HAP1: variants seen among roughly 807,000 people sequenced by gnomAD.
HAP1 encodes the protein huntingtin-associated protein 1.
HAP1 carries 59 observed loss-of-function variants against 60.3 expected under a neutral mutation model. The ratio of observed to expected loss-of-function variants is 0.98; its 90% CI spans 0.79 to 1.22. The LOEUF (loss-of-function observed/expected upper bound fraction) is 1.22. Ranked by LOEUF, HAP1 falls within the 50% of genes most tolerant of loss-of-function variation. The probability of loss-of-function intolerance (pLI) is 0.00; values close to 1 mark genes in which losing one functional copy is unlikely to be tolerated. For missense variants in HAP1, 825 were observed against 785.3 expected (o/e 1.05, Z -0.60); for synonymous variants, 346 against 330.6 (o/e 1.05, Z -0.50).
rs1223804925 is a variant in HAP1, at chr17:41,724,139, T to G, written c.*562A>C. The G allele has an allele frequency of 6.5e-6, 1 of 153,454 alleles. No homozygotes were observed. Among genetic ancestry groups the G allele is most frequent in the Non-Finnish European group, 1.5e-5 (1 of 68,686 alleles). The allele number at this position is 153,454 out of a possible 1,614,324, so 9.5% of individuals were successfully genotyped here. ...TTCTGGCTGGGGAGAGGAGACCCTG[T>G]TCCACCCCACAACCCTGCAGGAGGC... On this transcript the variant is annotated 3_prime_UTR_variant, in exon 11 of 11. Coordinates refer to ENST00000347901, the MANE Select transcript of HAP1 (RefSeq NM_177977.3).
At chr17:41,730,057 GAAGAAAAGA>G (rs1433896434) in intron 6 of HAP1, 1 of 12,498 alleles carries the variant, frequency 8.0e-5, no homozygotes, top group Non-Finnish European at 1.5e-4. Flanking sequence ...GAGAGAGAAG[GAAGAAAAGA>G]AAGAAAAGAA....
Position 41,732,398 on chromosome 17 carries a change from G to T in HAP1, c.550-4C>A. ...TCTCCCAGACAGGTGGGAGAAGCTG[G>T]GGGGGACACAGGGGTCAGAGAGAGG... On this transcript the variant is annotated splice_region_variant and splice_polypyrimidine_tract_variant and intron_variant, in intron 2 of 10. Coordinates refer to ENST00000347901, the MANE Select transcript of HAP1 (RefSeq NM_177977.3). 7 of 1,613,766 alleles carry T rather than the reference G, an allele frequency of 4.3e-6. No homozygotes were observed. Among genetic ancestry groups the T allele is most frequent in the Non-Finnish European group, 5.9e-6 (7 of 1,179,884 alleles).
rs1292363871 is a variant in HAP1 at position 41,724,856 on chromosome 17, G to A, written c.1705C>T (p.His569Tyr). The A allele has an allele frequency of 9.3e-6, 15 of 1,613,572 alleles. No homozygotes were observed. The highest frequency in any genetic ancestry group is 1.3e-5 in the African/African-American group (1 of 74,934). Residue 569 changes from histidine to tyrosine, a missense_variant, in exon 11 of 11, where the codon CAC becomes TAC. By Grantham distance (83) the His-to-Tyr change is moderately conservative. Coordinates refer to ENST00000347901, the MANE Select transcript of HAP1 (RefSeq NM_177977.3). ...ALEASGLGPS[H>Y]LDMNYVLQQL... ...TGGAGGACATAATTCATGTCCAGGT[G>A]TGAAGGGCCCAAGCCGCTGGCCTCC...
chr17:41,725,171 G>A lies in HAP1; in HGVS notation c.1407-17C>T, dbSNP rs781821620. 12 of 1,550,348 alleles carry A rather than the reference G, an allele frequency of 7.7e-6. No homozygotes were observed. Among genetic ancestry groups the A allele is most frequent in the Admixed American group, 3.6e-5 (2 of 56,328 alleles). Reference sequence around the variant, plus strand: ...AAATCATACCTGGGCGGGAGATAGCGACATCTTTTGAGGGGCTGGAAAGTC... The same window carrying A: ...AAATCATACCTGGGCGGGAGATAGCAACATCTTTTGAGGGGCTGGAAAGTC... On this transcript the variant is annotated splice_polypyrimidine_tract_variant and intron_variant, in intron 10 of 10. Transcript: ENST00000347901.
intron 6 of HAP1, 106 bp downstream of exon 6, chr17:41,731,387 G>A (rs1439092444): frequency 1.2e-6 from 1 of 802,398 alleles, no homozygotes; most frequent in East Asian, 2.4e-5. Flanking sequence ...ACACAGCTAG[G>A]AGTGCCAGAT....
Position 41,725,173 on chromosome 17 carries a change from C to G in HAP1, c.1407-19G>C, listed in dbSNP as rs750543472. 21 of 1,551,190 alleles carry G rather than the reference C, an allele frequency of 1.4e-5. No individual in the cohort carries two copies. Among genetic ancestry groups the G allele is most frequent in the Non-Finnish European group, 1.8e-5 (21 of 1,147,788 alleles). ...ATCATACCTGGGCGGGAGATAGCGA[C>G]ATCTTTTGAGGGGCTGGAAAGTCCA... On this transcript the variant is annotated intron_variant, in intron 10 of 10. Transcript: ENST00000347901.
At chr17:41,719,629 G>C (rs6503656), downstream of HAP1, among the ~76,000 whole-genome samples, 125,632 of 151,606 alleles carry the variant, frequency 0.83, 52,331 homozygotes, top group Middle Eastern at 0.93. Flanking sequence ...GGAGGCAGAG[G>C]TTGCAGTGAG....
Position 41,725,898 on chromosome 17 carries a change from C to A in HAP1, c.1368-1G>T, listed in dbSNP as rs373919066. The A allele has an allele frequency of 1.2e-5, 20 of 1,611,160 alleles. No homozygotes were observed. The highest frequency in any genetic ancestry group is 1.7e-5 in the Non-Finnish European group (20 of 1,177,300). On this transcript the variant is annotated splice_acceptor_variant, in intron 9 of 10. Coordinates refer to ENST00000347901, the MANE Select transcript of HAP1 (RefSeq NM_177977.3). LOFTEE classifies it high-confidence loss of function. ...GTCCCCTCTGGGCATCTCATAATTC[C>A]TTCAAAGAGAAAAGGACCTTCATTA...
intron 1 of HAP1, among the ~76,000 whole-genome samples, chr17:41,733,821 G>T (rs1912463720): frequency 6.6e-6 from 1 of 151,226 alleles, no homozygotes; most frequent in African/African-American, 2.4e-5. Context: ...CAGAGCGCGC[G>T]GGACAGCGCC....
rs1254951008 is a variant in HAP1 at position 41,730,601 on chromosome 17, G to A, written c.1069+892C>T. On this transcript the variant is annotated intron_variant, in intron 6 of 10. Coordinates refer to ENST00000347901, the MANE Select transcript of HAP1 (RefSeq NM_177977.3). ...ACTGGTTCCTACTCCAGTAGCCTGG[G>A]GACCAGTGGGGCCATTCAGGGAGTT... Among the ~76,000 whole-genome samples the A allele has an allele frequency of 3.9e-5, 6 of 152,164 alleles. No homozygotes were observed. The East Asian group carries it at 9.6e-4, about 24-fold the overall frequency.
In HAP1 at chr17:41,732,256, C is replaced by A. The variant is rs1555591292; in HGVS notation, c.688G>T (p.Ala230Ser). Residue 230 changes from alanine (A) to serine (S), a missense_variant, in exon 3 of 11, where the codon GCC becomes TCC. Coordinates refer to ENST00000347901, the MANE Select transcript of HAP1 (RefSeq NM_177977.3). ...TCCTCCTTGGCTGAGCCCAGCAGGGCTTCCAGCTTGCTGTTCTCCTCCATC... is the reference window on the plus strand; with the variant it reads ...TCCTCCTTGGCTGAGCCCAGCAGGGATTCCAGCTTGCTGTTCTCCTCCATC... ...VLMEENSKLEALLGSAKEEIL... is the reference protein window; with the variant it reads ...VLMEENSKLESLLGSAKEEIL... The A allele has an allele frequency of 1.2e-6, 2 of 1,614,160 alleles. No individual in the cohort carries two copies. The highest frequency in any genetic ancestry group is 1.7e-6 in the Non-Finnish European group (2 of 1,180,024).
At chr17:41,718,954 C>A (rs11079008), downstream of HAP1, among the ~76,000 whole-genome samples, 124,966 of 152,122 alleles carry the variant, frequency 0.82, 51,575 homozygotes, top group Middle Eastern at 0.92. Context: ...GCACTTGTTG[C>A]AAGTAACTTA....
At chr17:41,718,512 G>A (rs1343698982), downstream of HAP1, among the ~76,000 whole-genome samples, 2 of 151,864 alleles carry the variant, frequency 1.3e-5, no homozygotes, top group Non-Finnish European at 2.9e-5. Flanking sequence ...GGTTCCTACC[G>A]CCTGTCCCAG....
At chr17:41,732,930 C>T (rs1241514507) in intron 1 of HAP1, 132 bp from the exon 2 acceptor site, 2 of 660,746 alleles carry the variant, frequency 3.0e-6, no homozygotes, top group Non-Finnish European at 5.6e-6. Context: ...GAAGACTGGG[C>T]TCCCCTCCTG....
In HAP1 at chr17:41,734,478, G is replaced by A. The variant is rs1555592150; in HGVS notation, c.157C>T (p.Arg53Ter). The A allele has an allele frequency of 1.9e-6, 3 of 1,611,772 alleles. No individual in the cohort carries two copies. The South Asian group carries it at 3.3e-5, about 18-fold the overall frequency. The change falls in exon 1 of 11, where the codon CGA becomes TGA. Residue 53 changes from arginine (R) to a stop codon, truncating the protein, a stop_gained. Coordinates refer to ENST00000347901, the MANE Select transcript of HAP1 (RefSeq NM_177977.3). LOFTEE classifies it high-confidence loss of function. ...ARGTGQRVGS[R>*]ATSGSQFLSE... The stretch of plus-strand genomic sequence containing the variant: ...AGGAACTGGGATCCAGAGGTGGCTC[G>A]GGATCCTACTCTCTGTCCAGTGCCC...
downstream of HAP1, chr17:41,718,184 G>A (rs550639855): frequency 8.1e-5 from 23 of 284,640 alleles, no homozygotes; most frequent in East Asian, 8.5e-4. Context: ...GAACGCGCCC[G>A]ATCTTGTCTG....
At chr17:41,727,636 T>A (rs781861394) in intron 8 of HAP1, 126 bp downstream of exon 8, 42 of 667,734 alleles carry the variant, frequency 6.3e-5, no homozygotes, top group Non-Finnish European at 1.0e-4. Context: ...ATGGAGGGGG[T>A]GGAAACGGAC....
At chr17:41,720,186 G>T (rs1192798678), downstream of HAP1, among the ~76,000 whole-genome samples, 7 of 150,052 alleles carry the variant, frequency 4.7e-5, no homozygotes, top group Admixed American at 4.0e-4. Context: ...ACCGCGCCCA[G>T]CTTTATTTAT....
downstream of HAP1, among the ~76,000 whole-genome samples, chr17:41,720,639 G>A (rs1336512490): frequency 1.3e-5 from 2 of 152,184 alleles, no homozygotes; most frequent in African/African-American, 4.8e-5. Context: ...TTATGCCAAA[G>A]TGGCATATTT....
Sources: gnomAD v4.1 joint callset for allele counts (sites outside exome capture counted in the v4.1 genomes callset) on GRCh38, gnomAD v4.1.1 for gene constraint, MANE v1.5 for transcripts, NCBI Gene and HGNC (gene_info 2026-07-23, HGNC 2026-07-21) for gene names.